Variants in LRRC7 observed in about 807,000 individuals in gnomAD.
The protein encoded by LRRC7 is leucine-rich repeat-containing protein 7.
Under a neutral mutation model 175.7 loss-of-function variants are expected in LRRC7, and 23 were observed. That is an observed-to-expected ratio of 0.13 (90% CI 0.09 to 0.19). LRRC7 has a LOEUF of 0.19. LRRC7 is among the 10% of genes least tolerant of loss of function. LRRC7 has a pLI of 1.00. For missense variants in LRRC7, 1,354 were observed against 1,904.7 expected, an observed-to-expected ratio of 0.71 and a Z score of 5.38; for synonymous variants, 685 against 680.9, an observed-to-expected ratio of 1.01 and a Z score of -0.09.
At chr1:70,073,370 T>C (rs17131177) in intron 23 of LRRC7, among the ~76,000 whole-genome samples, 11,138 of 152,090 alleles carry the variant, frequency 0.073, 511 homozygotes, top group South Asian at 0.18. Context: ...TGAAGGCTAT[T>C]ACACCGGGAG....
Position 69,931,494 on chromosome 1 carries a change from C to T in LRRC7, c.648-13C>T, listed in dbSNP as rs185633050. 1.2e-6 allele frequency: 2 copies of T among 1,609,130 alleles called. No homozygotes were observed. The highest frequency in any genetic ancestry group is 1.7e-6 in the Non-Finnish European group (2 of 1,175,890). ...CACTACCTCACAATAGTATTTTTCT[C>T]CATCTGTTGTAGGTCAATGCACAAA... On this transcript the variant is annotated splice_polypyrimidine_tract_variant and intron_variant, in intron 7 of 26. Coordinates refer to ENST00000651989, the MANE Select transcript of LRRC7 (RefSeq NM_001370785.2).
intron 2 of LRRC7, among the ~76,000 whole-genome samples, chr1:69,710,047 G>A (rs1198019551): frequency 1.3e-5 from 2 of 151,974 alleles, no homozygotes; most frequent in Non-Finnish European, 2.9e-5. Context: ...GGAGGCCAAG[G>A]CAGGTGGATC....
At chr1:69,867,105 C>T (rs968145782) in intron 7 of LRRC7, among the ~76,000 whole-genome samples, 7 of 152,150 alleles carry the variant, frequency 4.6e-5, no homozygotes, top group East Asian at 1.9e-4. Flanking sequence ...TTTTTATTTT[C>T]GTTCTGATTA....
At chr1:69,868,922 C>CATATATATATATATACATATGTACAT (rs1685223116) in intron 7 of LRRC7, among the ~76,000 whole-genome samples, 3 of 148,608 alleles carry the variant, frequency 2.0e-5, no homozygotes, top group Admixed American at 1.3e-4. Context: ...TACATATGTA[C>CATATATATATATATACATATGTACAT]ATATATATAT....
At chr1:69,900,862 C>A (rs1646114963) in intron 7 of LRRC7, among the ~76,000 whole-genome samples, 1 of 152,078 alleles carries the variant, frequency 6.6e-6, no homozygotes, top group African/African-American at 2.4e-5. Flanking sequence ...AATCTCATGA[C>A]CTCCAAAACT....
intron 7 of LRRC7, among the ~76,000 whole-genome samples, chr1:69,911,360 C>T (rs115817143): frequency 6.6e-6 from 1 of 152,288 alleles, no homozygotes; most frequent in Middle Eastern, 3.4e-3. Flanking sequence ...GTTGTAAGTT[C>T]TTTGAGAAAT....
chr1:69,666,718 G>T (rs1367366540), intron 1 of LRRC7, among the ~76,000 whole-genome samples: 2 of 150,926 alleles, frequency 1.3e-5, no homozygotes, highest in South Asian at 4.2e-4. Context: ...TTTTACTCTG[G>T]CTAAAGGCTT....
chr1:70,114,491 C>T (rs1665724560), intron 26 of LRRC7, among the ~76,000 whole-genome samples: 1 of 152,040 alleles, frequency 6.6e-6, no homozygotes, highest in Non-Finnish European at 1.5e-5. Flanking sequence ...AGTTCAAGAC[C>T]AGCCTAGGCA....
chr1:69,743,561 A>G (rs1052048575), intron 2 of LRRC7, among the ~76,000 whole-genome samples: 3 of 151,976 alleles, frequency 2.0e-5, no homozygotes, highest in Non-Finnish European at 4.4e-5. Flanking sequence ...CAGCATTGTT[A>G]AAAAAGGAGG....
chr1:69,937,416 T>C (rs180746671), intron 8 of LRRC7, among the ~76,000 whole-genome samples: 21 of 152,230 alleles, frequency 1.4e-4, no homozygotes, highest in Admixed American at 1.4e-3. Context: ...CATTTATTGA[T>C]ATTCCATTTT....
In LRRC7 at chr1:70,102,265, G is replaced by A. The variant is rs575641567; in HGVS notation, c.4546-5487G>A. 1.6e-4 allele frequency among the ~76,000 whole-genome samples: 24 copies of A among 152,252 alleles called. No individual in the cohort carries two copies. In the South Asian group the frequency reaches 2.5e-3, roughly 16 times the overall value. ...CAGTAACTGGAGCCATTATCACTGT[G>A]AGCCACAACCAGGAAACCATAGATG... On this transcript the variant is annotated intron_variant, in intron 25 of 26. Transcript: ENST00000651989.
Position 69,729,029 on chromosome 1 carries a change from G to A in LRRC7, c.101-31162G>A, listed in dbSNP as rs557864837. Among the ~76,000 whole-genome samples, 9 of 152,244 alleles carry A rather than the reference G, an allele frequency of 5.9e-5. No individual in the cohort carries two copies. In the East Asian group the frequency reaches 7.7e-4, roughly 13 times the overall value. ...GCAGCAGCAAGGGGAAGTGCTGAGC[G>A]AAAGGCAGGGAAAGCCCCTTATAAA... On this transcript the variant is annotated intron_variant, in intron 2 of 26. Transcript: ENST00000651989.
At chr1:70,060,714 C>T (rs980529184) in intron 23 of LRRC7, among the ~76,000 whole-genome samples, 3 of 152,038 alleles carry the variant, frequency 2.0e-5, no homozygotes, top group East Asian at 1.9e-4. Context: ...ATAAGAGATG[C>T]GGAAATAGAA....
intron 2 of LRRC7, among the ~76,000 whole-genome samples, chr1:69,728,029 C>T (rs551284638): frequency 7.2e-4 from 110 of 152,216 alleles, no homozygotes; most frequent in African/African-American, 2.6e-3. Flanking sequence ...ATTCAATATC[C>T]AGCTGTCTCT....
Position 69,954,969 on chromosome 1 carries a change from A to T in LRRC7, c.711+23399A>T, listed in dbSNP as rs1650344536. Among the ~76,000 whole-genome samples the T allele has an allele frequency of 3.9e-5, 6 of 152,224 alleles. No homozygotes were observed. The South Asian group carries it at 1.2e-3, about 32-fold the overall frequency. ...ATGATACAAATTGAAGATCATTCTT[A>T]CATGGAAGAGAGAAGAAAGATTGAT... On this transcript the variant is annotated intron_variant, in intron 8 of 26. Transcript: ENST00000651989.
rs2101117493 is a variant in LRRC7 at position 69,806,475 on chromosome 1, G to T, written c.421+14315G>T. Among the ~76,000 whole-genome samples the T allele has an allele frequency of 1.3e-5, 2 of 151,966 alleles. 1 individual carries two copies. Reference sequence around the variant, plus strand: ...AATCAGTCGTATGACTCTCTCTATTGATTACCAGCATTTGGTTTTTCACTT... The same window carrying T: ...AATCAGTCGTATGACTCTCTCTATTTATTACCAGCATTTGGTTTTTCACTT... On this transcript the variant is annotated intron_variant, in intron 4 of 26. Transcript: ENST00000651989.
intron 1 of LRRC7, among the ~76,000 whole-genome samples, chr1:69,569,213 G>C (rs751137764): frequency 2.6e-5 from 4 of 151,954 alleles, no homozygotes; most frequent in Non-Finnish European, 5.9e-5. Context: ...GGAAAGGGTG[G>C]GGTTTGGGGG....
At chr1:69,934,221 G>A (rs1360786321) in intron 8 of LRRC7, among the ~76,000 whole-genome samples, 1 of 152,090 alleles carries the variant, frequency 6.6e-6, no homozygotes, top group Non-Finnish European at 1.5e-5. Context: ...ATCATTAGAT[G>A]ATTTATTTTT....
intron 25 of LRRC7, among the ~76,000 whole-genome samples, chr1:70,095,311 T>C (rs1322792062): frequency 6.6e-6 from 1 of 152,190 alleles, no homozygotes; most frequent in East Asian, 1.9e-4. Context: ...ATAAGTTCTT[T>C]TATAAACATA....
Sources: gnomAD v4.1 joint callset for allele counts (sites outside exome capture counted in the v4.1 genomes callset) on GRCh38, gnomAD v4.1.1 for gene constraint, MANE v1.5 for transcripts, NCBI Gene and HGNC (gene_info 2026-07-23, HGNC 2026-07-21) for gene names.